The following SLC3A2 variants were observed in gnomAD, a reference collection of about 807,000 sequenced individuals.
SLC3A2 encodes the protein amino acid transporter heavy chain SLC3A2.
SLC3A2 carries 32 observed loss-of-function variants against 48.5 expected under a neutral mutation model. That is an observed-to-expected ratio of 0.66 (90% CI 0.50 to 0.89). The LOEUF (loss-of-function observed/expected upper bound fraction) is 0.89. Ranked by LOEUF, SLC3A2 falls within the 40% of genes least tolerant of loss-of-function variation. SLC3A2 has a pLI of 0.00. For synonymous variants in SLC3A2, 277 were observed against 288.8 expected, an observed-to-expected ratio of 0.96 and a Z score of 0.41; for missense variants, 587 against 680.7, an observed-to-expected ratio of 0.86 and a Z score of 1.53.
rs1184719346 is a variant in SLC3A2 at position 62,881,264 on chromosome 11, C to T, written c.241C>T (p.Arg81Cys). 5 of 1,586,352 alleles carry T rather than the reference C, an allele frequency of 3.2e-6. No homozygotes were observed. The highest frequency in any genetic ancestry group is 3.7e-5 in the Admixed American group (2 of 54,456). ...AGGCAGCCCCGGCTGGGTACGCACC[C>T]GCTGGGCACTGCTGCTGCTCTTCTG... ...VAGSPGWVRT[R>C]WALLLLFWLG... The change falls in exon 1 of 9, where the codon CGC becomes TGC. Residue 81 changes from arginine to cysteine, a missense_variant. Transcript: ENST00000338663. The surrounding 1 kb of genome is among the most constrained non-coding windows in gnomAD (Gnocchi z 4.0).
At chr11:62,886,941 T>G (rs1467508014) in intron 7 of SLC3A2, among the ~76,000 whole-genome samples, 1 of 152,092 alleles carries the variant, frequency 6.6e-6, no homozygotes, top group Non-Finnish European at 1.5e-5. Flanking sequence ...TCTCACTATG[T>G]TGCCCAGGCT....
intron 2 of SLC3A2, 159 bp downstream of exon 2, chr11:62,882,225 C>G: frequency 1.2e-6 from 1 of 825,334 alleles, no homozygotes; most frequent in Non-Finnish European, 1.9e-6. Context: ...TGGATTTGTC[C>G]AGTCGTCTGG....
At chr11:62,872,666 G>A (rs2085529952) in intron 1 of SLC3A2, among the ~76,000 whole-genome samples, 1 of 152,182 alleles carries the variant, frequency 6.6e-6, no homozygotes. Context: ...GCAATGGCTC[G>A]ATCTCGGCTC....
intron 1 of SLC3A2, among the ~76,000 whole-genome samples, chr11:62,875,274 C>T (rs575787629): frequency 1.3e-4 from 20 of 151,918 alleles, no homozygotes; most frequent in Middle Eastern, 3.4e-3. Flanking sequence ...TGGCCGGGCA[C>T]GGTGGCTCAC....
rs377345708 is a variant in SLC3A2 at position 62,888,371 on chromosome 11, G to T, written c.1268G>T (p.Arg423Leu). ...EDPGSLLSLF[R>L]RLSDQRSKER... ...CCTGGCTCCCTCCTTTCCTTGTTCC[G>T]GCGGCTGAGTGACCAGCGGAGTAAG... Residue 423 changes from arginine (R) to leucine (L), a missense_variant, in exon 9 of 9, where the codon CGG becomes CTG. By Grantham distance (102) the Arg-to-Leu change is moderately radical. Transcript: ENST00000338663. The T allele has an allele frequency of 1.9e-6, 3 of 1,614,146 alleles. No homozygotes were observed. Among genetic ancestry groups the T allele is most frequent in the Non-Finnish European group, 2.5e-6 (3 of 1,180,020 alleles).
rs755500297 is a variant in SLC3A2, at chr11:62,881,218, G to T, written c.195G>T (p.Lys65Asn). 6.3e-7 allele frequency: 1 copy of T among 1,588,366 alleles called. No individual in the cohort carries two copies. Among genetic ancestry groups the T allele is most frequent in the South Asian group, 1.1e-5 (1 of 87,394 alleles). The change falls in exon 1 of 9, where the codon AAG becomes AAT. Residue 65 changes from lysine (K) to asparagine (N), a missense_variant. Physicochemically the swap from Lys to Asn is moderately conservative, Grantham distance 94. Around this residue, in one of 3 missense-constraint regions of SLC3A2, gnomAD observed 409 missense variants for 446.7 expected, o/e 0.92. Coordinates refer to ENST00000338663, the MANE Select transcript of SLC3A2 (RefSeq NM_001013251.3). This position sits in a 1 kb window ranked among gnomAD's most constrained non-coding sequence, Gnocchi z 4.0. ...AAAAKFTGLSKEELLKVAGSP... is the reference protein window; with the variant it reads ...AAAAKFTGLSNEELLKVAGSP... ...CGGCTAAGTTCACGGGCCTGTCCAAGGAGGAGCTGCTGAAGGTGGCAGGCA... is the reference window on the plus strand; with the variant it reads ...CGGCTAAGTTCACGGGCCTGTCCAATGAGGAGCTGCTGAAGGTGGCAGGCA...
At chr11:62,888,049 G>T (rs2085737550) in intron 7 of SLC3A2, 86 bp from the exon 8 acceptor site, 4 of 1,222,856 alleles carry the variant, frequency 3.3e-6, no homozygotes, top group Admixed American at 3.5e-5. Context: ...TCTTGGCCTT[G>T]ACCTCCCAGA....
chr11:62,880,990 C>G lies in SLC3A2; in HGVS notation c.-34C>G, dbSNP rs367894533. 306 of 1,536,250 alleles carry G rather than the reference C, an allele frequency of 2.0e-4. No homozygotes were observed. Among genetic ancestry groups the G allele is most frequent in the Admixed American group, 1.3e-3 (65 of 50,482 alleles). On this transcript the variant is annotated 5_prime_UTR_variant, in exon 1 of 9. Transcript: ENST00000338663. ...TAGGGGTTGAGCCACCATCTGACCG[C>G]AAGCTGCGTCGTGTCGCCGGTTCTG...
rs1175609720 is a variant in SLC3A2 at position 62,881,982 on chromosome 11, G to T, written c.514G>T (p.Ala172Ser). ...TCACAAGAACCAGAAGGATGATGTC[G>T]CTCAGACTGACTTGCTGCAGATCGA... ...PIHKNQKDDV[A>S]QTDLLQIDPN... Residue 172 changes from alanine (A) to serine (S), a missense_variant, in exon 2 of 9, where the codon GCT becomes TCT. This residue lies in a region of SLC3A2 where 409 missense variants were observed against 446.7 expected (regional missense o/e 0.92). Coordinates refer to ENST00000338663, the MANE Select transcript of SLC3A2 (RefSeq NM_001013251.3). The surrounding 1 kb of genome is among the most constrained non-coding windows in gnomAD (Gnocchi z 4.0). 8 of 1,614,152 alleles carry T rather than the reference G, an allele frequency of 5.0e-6. No homozygotes were observed. The highest frequency in any genetic ancestry group is 6.8e-6 in the Non-Finnish European group (8 of 1,180,030).
chr11:62,876,967 G>C, upstream of SLC3A2: 2 of 988,348 alleles, frequency 2.0e-6, no homozygotes, highest in Non-Finnish European at 2.4e-6. Context: ...GGTTTATCTT[G>C]ATATGATACA....
upstream of SLC3A2, among the ~76,000 whole-genome samples, chr11:62,877,829 A>G (rs1188189895): frequency 6.6e-6 from 1 of 152,184 alleles, no homozygotes; most frequent in Non-Finnish European, 1.5e-5. Context: ...AAGATTGGAG[A>G]GGCAAGCTGT....
intron 1 of SLC3A2, among the ~76,000 whole-genome samples, chr11:62,875,451 T>G (rs991092346): frequency 2.0e-5 from 3 of 152,030 alleles, no homozygotes; most frequent in Admixed American, 6.6e-5. Flanking sequence ...AGGAGAATAG[T>G]GTGAACCTTG....
At chr11:62,865,896 T>C (rs2085447674) in intron 1 of SLC3A2, among the ~76,000 whole-genome samples, 1 of 152,156 alleles carries the variant, frequency 6.6e-6, no homozygotes, top group Non-Finnish European at 1.5e-5. Context: ...CCCGTATATC[T>C]TGAGTAGCTC....
At chr11:62,878,257 G>T (rs1449899437), upstream of SLC3A2, among the ~76,000 whole-genome samples, 2 of 152,034 alleles carry the variant, frequency 1.3e-5, no homozygotes, top group African/African-American at 4.8e-5. Flanking sequence ...CCATCTCAAA[G>T]ACAGCTTCTG....
chr11:62,865,476 C>T (rs561251581), intron 1 of SLC3A2, among the ~76,000 whole-genome samples: 1 of 151,288 alleles, frequency 6.6e-6, no homozygotes, highest in South Asian at 2.1e-4. Flanking sequence ...TCCCTTGAAC[C>T]CTGGAGGTGG....
Position 62,881,236 on chromosome 11 carries a change from G to A in SLC3A2, c.213G>A (p.Val71=). 1 of 1,585,904 alleles carries A rather than the reference G, an allele frequency of 6.3e-7. No individual in the cohort carries two copies. Among genetic ancestry groups the A allele is most frequent in the Non-Finnish European group, 8.6e-7 (1 of 1,167,642 alleles). Reference sequence around the variant, plus strand: ...TGTCCAAGGAGGAGCTGCTGAAGGTGGCAGGCAGCCCCGGCTGGGTACGCA... The same window carrying A: ...TGTCCAAGGAGGAGCTGCTGAAGGTAGCAGGCAGCCCCGGCTGGGTACGCA... The part of the protein sequence containing the change: ...TGLSKEELLK[V]AGSPGWVRTR... Residue 71 remains valine (V), a synonymous_variant, in exon 1 of 9, where the codon GTG becomes GTA. Coordinates refer to ENST00000338663, the MANE Select transcript of SLC3A2 (RefSeq NM_001013251.3). This position sits in a 1 kb window ranked among gnomAD's most constrained non-coding sequence, Gnocchi z 4.0.
At chr11:62,875,477 A>T (rs1192979608) in intron 1 of SLC3A2, among the ~76,000 whole-genome samples, 3 of 152,210 alleles carry the variant, frequency 2.0e-5, no homozygotes, top group Non-Finnish European at 2.9e-5. Context: ...CAGAGCTTGT[A>T]GTGAGCTGAG....
intron 5 of SLC3A2, 122 bp downstream of exon 5, chr11:62,884,812 GCT>G: frequency 1.0e-5 from 1 of 98,726 alleles, no homozygotes; most frequent in Non-Finnish European, 1.8e-5. Context: ...TCTTTCTTTA[GCT>G]TTTTTTTTTT....
intron 7 of SLC3A2, among the ~76,000 whole-genome samples, chr11:62,886,233 G>A (rs2085711591): frequency 6.6e-6 from 1 of 151,742 alleles, no homozygotes; most frequent in African/African-American, 2.4e-5. Flanking sequence ...AGGTTGCAGT[G>A]AACTGAGATT....
Sources: gnomAD v4.1 joint callset for allele counts (sites outside exome capture counted in the v4.1 genomes callset) on GRCh38, gnomAD v4.1.1 for gene constraint, gnomAD v4.1.1 regional missense constraint, Gnocchi (gnomAD v3.1) non-coding constraint, MANE v1.5 for transcripts, NCBI Gene and HGNC (gene_info 2026-07-23, HGNC 2026-07-21) for gene names.